TMEM164: variants seen among roughly 807,000 people sequenced by gnomAD.
TMEM164 encodes transmembrane protein 164, also known as RP13-360B22.2.
TMEM164 carries 4 observed loss-of-function variants against 18.8 expected under a neutral mutation model. The ratio of observed to expected loss-of-function variants is 0.21; its 90% CI spans 0.10 to 0.49. TMEM164 has a LOEUF of 0.49. Ranked by LOEUF, TMEM164 falls within the 20% of genes least tolerant of loss-of-function variation. The pLI is 0.98. For missense variants in TMEM164, 108 were observed against 239.9 expected (o/e 0.45, Z 3.63); for synonymous variants, 86 against 101.7 (o/e 0.85, Z 0.93).
At chrX:110,082,076 T>C (rs2065766652) in intron 3 of TMEM164, 1 of 113,050 alleles carries the variant, frequency 8.8e-6, no homozygotes, top group Non-Finnish European at 1.9e-5. Context: ...ACATGTGACT[T>C]GCTCAGTCCT....
chrX:110,096,225 G>A (rs1422572236), intron 3 of TMEM164, among the ~76,000 whole-genome samples: 4 of 112,567 alleles, frequency 3.6e-5, no homozygotes, highest in Non-Finnish European at 3.8e-5. Context: ...GTCAGACAGG[G>A]ACGTTTAAGT....
chrX:110,014,563 C>A (rs1933198912), intron 2 of TMEM164, among the ~76,000 whole-genome samples: 1 of 110,242 alleles, frequency 9.1e-6, no homozygotes, highest in African/African-American at 3.3e-5. Context: ...GCTTAGCTTT[C>A]CGGGGACCTA....
chrX:110,046,055 A>G (rs1050844142), intron 2 of TMEM164: 84 of 752,873 alleles, frequency 1.1e-4, no homozygotes, highest in Non-Finnish European at 1.3e-4. Flanking sequence ...TACCTTTACA[A>G]TCGACTTCTG....
At chrX:110,085,965 G>C (rs1050400543) in intron 3 of TMEM164, among the ~76,000 whole-genome samples, 2 of 112,329 alleles carry the variant, frequency 1.8e-5, no homozygotes, top group African/African-American at 6.5e-5. Context: ...CCAGTTTCTA[G>C]ATGAACTCTT....
chrX:110,037,252 A>G (rs750036606), intron 2 of TMEM164, among the ~76,000 whole-genome samples: 5 of 111,516 alleles, frequency 4.5e-5, no homozygotes, highest in Non-Finnish European at 7.5e-5. Flanking sequence ...TGGAATACCT[A>G]GAGGAGACAT....
At chrX:110,172,305 C>T (rs995027638) in intron 6 of TMEM164, among the ~76,000 whole-genome samples, 2 of 111,801 alleles carry the variant, frequency 1.8e-5, no homozygotes, top group East Asian at 2.8e-4. Flanking sequence ...AGGCAGGTGC[C>T]GCGACCGTCC....
At chrX:110,068,770 C>A (rs897858645) in intron 3 of TMEM164, among the ~76,000 whole-genome samples, 2 of 110,659 alleles carry the variant, frequency 1.8e-5, no homozygotes, top group Non-Finnish European at 3.8e-5. Context: ...CCACACTATC[C>A]CTTTGTATTA....
chrX:110,105,851 T>G (rs55693911), intron 3 of TMEM164, among the ~76,000 whole-genome samples: 5,056 of 109,215 alleles, frequency 0.046, 272 homozygotes, highest in African/African-American at 0.15. Flanking sequence ...AAAAATACAA[T>G]CTTGAAACTT....
At chrX:110,051,128 A>G (rs1201867894) in intron 2 of TMEM164, among the ~76,000 whole-genome samples, 1 of 111,792 alleles carries the variant, frequency 8.9e-6, no homozygotes, top group Non-Finnish European at 1.9e-5. Context: ...AGGGGAATAT[A>G]CAGTGTAAAG....
At chrX:110,083,917 C>T (rs2065794958) in intron 3 of TMEM164, among the ~76,000 whole-genome samples, 1 of 111,276 alleles carries the variant, frequency 9.0e-6, no homozygotes, top group Non-Finnish European at 1.9e-5. Flanking sequence ...ATTAATCACA[C>T]CAGCTCCCAT....
chrX:110,176,030 C>A lies in TMEM164; in HGVS notation c.*2579C>A. 7 of 756,803 alleles carry A rather than the reference C, an allele frequency of 9.2e-6. No individual in the cohort carries two copies. Among genetic ancestry groups the A allele is most frequent in the Non-Finnish European group, 1.1e-5 (7 of 639,718 alleles). The allele number at this position is 756,803 out of a possible 1,213,427, so 62.4% of individuals were successfully genotyped here. A position where few individuals can be genotyped will look rare whatever the true frequency, so the allele number is the denominator to read the frequency against. On this transcript the variant is annotated 3_prime_UTR_variant, in exon 7 of 7. Transcript: ENST00000372068. ...GGCCAGTGGGGCTGTCTTCCCAGCT[C>A]CTCCTCAGGGCTTTCCTGTCAGTGC...
At chrX:110,080,284 A>G (rs1025868198) in intron 3 of TMEM164, among the ~76,000 whole-genome samples, 1 of 112,032 alleles carries the variant, frequency 8.9e-6, no homozygotes, top group Non-Finnish European at 1.9e-5. Flanking sequence ...TTTTTGTAAT[A>G]ATATGTATTT....
At chrX:110,064,059 T>C (rs764491380) in intron 2 of TMEM164, among the ~76,000 whole-genome samples, 1 of 111,492 alleles carries the variant, frequency 9.0e-6, no homozygotes, top group Non-Finnish European at 1.9e-5. Context: ...TCCTCATCTC[T>C]GAAATGGGGT....
chrX:110,101,283 T>G (rs924362912), intron 3 of TMEM164, among the ~76,000 whole-genome samples: 3 of 112,076 alleles, frequency 2.7e-5, no homozygotes, highest in African/African-American at 9.7e-5. Context: ...ATTCAGATGA[T>G]TTTAACTATG....
At chrX:110,045,657 G>T in intron 2 of TMEM164, among the ~76,000 whole-genome samples, 1 of 111,862 alleles carries the variant, frequency 8.9e-6, no homozygotes, top group East Asian at 2.8e-4. Flanking sequence ...TGAGAGCTGG[G>T]CCTTTTGTAT....
At chrX:110,036,406 C>G (rs1367228532) in intron 2 of TMEM164, among the ~76,000 whole-genome samples, 1 of 112,322 alleles carries the variant, frequency 8.9e-6, no homozygotes, top group Non-Finnish European at 1.9e-5. Context: ...TTATGTCTTT[C>G]TGCCCCTTTT....
chrX:110,105,533 T>C (rs2066176549), intron 3 of TMEM164, among the ~76,000 whole-genome samples: 1 of 109,493 alleles, frequency 9.1e-6, no homozygotes, highest in Non-Finnish European at 1.9e-5. Flanking sequence ...CTGTGCTTTG[T>C]CGGTAAAGGG....
chrX:110,033,136 C>G (rs746192923), intron 2 of TMEM164, among the ~76,000 whole-genome samples: 6 of 111,948 alleles, frequency 5.4e-5, no homozygotes, highest in African/African-American at 1.9e-4. Context: ...TGCATTCTGT[C>G]TCTTCTCTCA....
chrX:110,083,897 T>G (rs2065794603), intron 3 of TMEM164, among the ~76,000 whole-genome samples: 1 of 111,627 alleles, frequency 9.0e-6, no homozygotes, highest in African/African-American at 3.3e-5. Context: ...TCTCTTGGAT[T>G]ATTTTTGAAA....
Sources: gnomAD v4.1 joint callset for allele counts (sites outside exome capture counted in the v4.1 genomes callset) on GRCh38, gnomAD v4.1.1 for gene constraint, MANE v1.5 for transcripts, NCBI Gene and HGNC (gene_info 2026-07-23, HGNC 2026-07-21) for gene names.